The following KCTD1 variants were observed in gnomAD, a reference collection of about 807,000 sequenced individuals.
KCTD1 encodes the protein BTB/POZ domain-containing protein KCTD1.
Under a neutral mutation model 66.0 loss-of-function variants are expected in KCTD1, and 24 were observed. The observed-to-expected ratio is 0.36, with a 90% CI of 0.26 to 0.51. The LOEUF (loss-of-function observed/expected upper bound fraction) is 0.51, where lower values mean the gene tolerates loss of function less well. KCTD1 is among the 20% of genes least tolerant of loss of function. The pLI is 0.95. For missense variants in KCTD1, 943 were observed against 1,205.2 expected, an observed-to-expected ratio of 0.78 and a Z score of 3.22; for synonymous variants, 511 against 517.2, an observed-to-expected ratio of 0.99 and a Z score of 0.16.
chr18:26,469,197 G>T (rs913106876), intron 3 of KCTD1, among the ~76,000 whole-genome samples: 3 of 151,212 alleles, frequency 2.0e-5, no homozygotes, highest in Non-Finnish European at 4.4e-5. Flanking sequence ...TCAAGCGTGG[G>T]TTACAGCTAA....
chr18:26,629,176 T>A (rs971325326), exon 1 of KCTD1: 1 of 985,178 alleles, frequency 1.0e-6, no homozygotes, highest in African/African-American at 1.7e-5. Flanking sequence ...TTTATTCATC[T>A]GCACCCTCCG....
intron 4 of KCTD1, 150 bp from the exon 5 acceptor site, chr18:26,456,051 G>A (rs1376160258): frequency 4.7e-5 from 32 of 680,022 alleles, no homozygotes; most frequent in Non-Finnish European, 6.7e-5. Context: ...GAAGACCCTG[G>A]ATTAATGGGC....
chr18:26,583,817 CTG>C (rs1254302869), intron 1 of KCTD1, among the ~76,000 whole-genome samples: 2 of 152,216 alleles, frequency 1.3e-5, no homozygotes, highest in African/African-American at 4.8e-5. Flanking sequence ...CTTTCTCCAT[CTG>C]TCAAAATACA....
chr18:26,511,452 A>T (rs1357450848), intron 1 of KCTD1, among the ~76,000 whole-genome samples: 3 of 152,216 alleles, frequency 2.0e-5, no homozygotes, highest in African/African-American at 7.2e-5. Context: ...GATCAAAGCT[A>T]TCCAAGTACA....
chr18:26,549,927 T>C (rs575059705), upstream of KCTD1: 6,239 of 406,566 alleles, frequency 0.015, 59 homozygotes, highest in Admixed American at 0.031. Context: ...CGTCGCCGCC[T>C]CCCGCTCTCC....
chr18:26,476,493 T>C lies in KCTD1; in HGVS notation c.2133+22A>G. 2 of 1,592,114 alleles carry C rather than the reference T, an allele frequency of 1.3e-6. No homozygotes were observed. Among genetic ancestry groups the C allele is most frequent in the Non-Finnish European group, 1.7e-6 (2 of 1,173,566 alleles). ...AAAAATCACATATTTATGCTATTGGTGATTTAACATGGATCCCTCACCTTG... is the reference window on the plus strand; with the variant it reads ...AAAAATCACATATTTATGCTATTGGCGATTTAACATGGATCCCTCACCTTG... On this transcript the variant is annotated intron_variant, in intron 3 of 4. Transcript: ENST00000580059. The surrounding 1 kb of genome is among the most constrained non-coding windows in gnomAD (Gnocchi z 4.9).
chr18:26,546,739 A>G lies in KCTD1; in HGVS notation c.1798T>C (p.Ser600Pro). The G allele has an allele frequency of 6.5e-7, 1 of 1,548,070 alleles. No individual in the cohort carries two copies. Among genetic ancestry groups the G allele is most frequent in the Non-Finnish European group, 8.7e-7 (1 of 1,145,732 alleles). Residue 600 changes from serine (S) to proline (P), a missense_variant, in exon 1 of 5, where the codon TCC (serine) becomes CCC (proline). Physicochemically the swap from Ser to Pro is moderately conservative, Grantham distance 74 (BLOSUM62 -1). This residue lies in a region of KCTD1 where 197 missense variants were observed against 182.7 expected (regional missense o/e 1.08). Transcript: ENST00000580059. Reference protein sequence around the residue: ...SPTIVSPAIVSPTQDSRPNMS... With the variant: ...SPTIVSPAIVPPTQDSRPNMS... ...TTTGGTTTGGTTACCTGGGTGGGGGAAACAATAGCAGGTGAAACTATTGTG... is the reference window on the plus strand; with the variant it reads ...TTTGGTTTGGTTACCTGGGTGGGGGGAACAATAGCAGGTGAAACTATTGTG...
chr18:26,613,305 G>GATTTCCT (rs1172309182), intron 1 of KCTD1, among the ~76,000 whole-genome samples: 1 of 152,084 alleles, frequency 6.6e-6, no homozygotes, highest in Non-Finnish European at 1.5e-5. Flanking sequence ...ACACTCTGAC[G>GATTTCCT]ATTTCCTTTT....
intron 1 of KCTD1, among the ~76,000 whole-genome samples, chr18:26,513,041 T>TA (rs935457487): frequency 6.6e-6 from 1 of 151,780 alleles, no homozygotes; most frequent in African/African-American, 2.4e-5. Flanking sequence ...AAATAATACT[T>TA]AAATACCCCA....
At chr18:26,511,819 G>A (rs1983346885) in intron 1 of KCTD1, among the ~76,000 whole-genome samples, 1 of 152,058 alleles carries the variant, frequency 6.6e-6, no homozygotes, top group Non-Finnish European at 1.5e-5. Context: ...TCTGTGTTTG[G>A]GGGTGAACAT....
chr18:26,629,804 A>C (rs944933226), upstream of KCTD1, among the ~76,000 whole-genome samples: 1 of 149,762 alleles, frequency 6.7e-6, no homozygotes, highest in Non-Finnish European at 1.5e-5. Context: ...TGCAACCTCT[A>C]CCTCCTGGGT....
At chr18:26,549,216 T>TGGCGGC (rs771961301), upstream of KCTD1, 35 of 985,790 alleles carry the variant, frequency 3.6e-5, no homozygotes, top group East Asian at 1.2e-3. Flanking sequence ...GGGATGGGGC[T>TGGCGGC]GGCGGCGGCG....
At chr18:26,578,135 C>T (rs1216174266) in intron 1 of KCTD1, among the ~76,000 whole-genome samples, 1 of 147,914 alleles carries the variant, frequency 6.8e-6, no homozygotes, top group Non-Finnish European at 1.5e-5. Flanking sequence ...CGGCTCACTG[C>T]AACCTCAGCT....
chr18:26,476,579 T>C lies in KCTD1; in HGVS notation c.2069A>G (p.Gln690Arg), dbSNP rs1344028201. 1 of 1,613,660 alleles carries C rather than the reference T, an allele frequency of 6.2e-7. No individual in the cohort carries two copies. Among genetic ancestry groups the C allele is most frequent in the African/African-American group, 1.3e-5 (1 of 75,026 alleles). ...AAAATTCAAGATATATCTGAACATCTGTCCATCTCTGTCAATGAAATAGTG... is the reference window on the plus strand; with the variant it reads ...AAAATTCAAGATATATCTGAACATCCGTCCATCTCTGTCAATGAAATAGTG... ...KQHYFIDRDG[Q>R]MFRYILNFLR... The change falls in exon 3 of 5, where the codon CAG becomes CGG. Residue 690 changes from glutamine (Q) to arginine (R), a missense_variant. Coordinates refer to ENST00000580059, the MANE Select transcript of KCTD1 (RefSeq NM_001142730.3). This position sits in a 1 kb window ranked among gnomAD's most constrained non-coding sequence, Gnocchi z 4.9.
At chr18:26,480,711 G>C (rs111856875) in intron 2 of KCTD1, among the ~76,000 whole-genome samples, 23 of 152,200 alleles carry the variant, frequency 1.5e-4, no homozygotes, top group African/African-American at 5.5e-4. Context: ...AGGTTGTAGT[G>C]AGCCAAGATC....
Position 26,650,383 on chromosome 18 carries a change from T to C in KCTD1, c.9+6977A>G, listed in dbSNP as rs557402265. On this transcript the variant is annotated intron_variant, in intron 1 of 4. Coordinates refer to the KCTD1 transcript ENST00000580191. ...TGTGCCAGGCACTGTATTAAGGAAC[T>C]GAGAAAGCAAAGGTGAATAAACACA... 2.6e-5 allele frequency among the ~76,000 whole-genome samples: 4 copies of C among 152,342 alleles called. 1 individual carries two copies. The highest frequency in any genetic ancestry group is 9.6e-5 in the African/African-American group (4 of 41,586).
chr18:26,494,148 T>C (rs573399181), intron 2 of KCTD1, among the ~76,000 whole-genome samples: 2 of 152,210 alleles, frequency 1.3e-5, no homozygotes, highest in South Asian at 4.2e-4. Flanking sequence ...GGTGGGAGGA[T>C]CACTTGAGGC....
intron 1 of KCTD1, among the ~76,000 whole-genome samples, chr18:26,558,643 G>T (rs903308055): frequency 6.6e-6 from 1 of 152,218 alleles, no homozygotes; most frequent in Non-Finnish European, 1.5e-5. Flanking sequence ...AATGAGATCG[G>T]CCAGGTGCAG....
rs1436033037 is a variant in KCTD1, at chr18:26,587,515, GA to G, written c.-16+41631del. 2.6e-5 allele frequency among the ~76,000 whole-genome samples: 4 copies of G among 152,262 alleles called. No individual in the cohort carries two copies. In the East Asian group the frequency reaches 7.7e-4, roughly 29 times the overall value. ...TTGACTTTTGCGTCTTATTATTTAA[GA>G]AATCCATTTCATAACGTGATAACAG... is the stretch of plus-strand genomic sequence containing the variant. On this transcript the variant is annotated intron_variant, in intron 1 of 4. Coordinates refer to the KCTD1 transcript ENST00000317932.
Sources: gnomAD v4.1 joint callset for allele counts (sites outside exome capture counted in the v4.1 genomes callset) on GRCh38, gnomAD v4.1.1 for gene constraint, gnomAD v4.1.1 regional missense constraint, Gnocchi (gnomAD v3.1) non-coding constraint, MANE v1.5 for transcripts, NCBI Gene and HGNC (gene_info 2026-07-23, HGNC 2026-07-21) for gene names.